Variants in GPM6B observed in about 807,000 individuals in gnomAD.
GPM6B encodes glycoprotein M6B.
In GPM6B, 4 loss-of-function variants were observed where a neutral mutation model predicts 27.2. The observed-to-expected ratio is 0.15, with a 90% CI of 0.07 to 0.34. The LOEUF is 0.34. Ranked by LOEUF, GPM6B falls within the 10% of genes least tolerant of loss-of-function variation. The pLI, the probability that GPM6B is intolerant of heterozygous loss-of-function variation, is 1.00. For missense variants in GPM6B, 183 were observed against 261.9 expected (o/e 0.70, Z 2.08); for synonymous variants, 124 against 103.1 (o/e 1.20, Z -1.23).
chrX:13,808,173 T>A (rs2049058939), intron 1 of GPM6B, among the ~76,000 whole-genome samples: 1 of 112,559 alleles, frequency 8.9e-6, no homozygotes, highest in Admixed American at 9.4e-5. Context: ...GCAGGCTCCC[T>A]CTCTGTAAGG....
intron 1 of GPM6B, among the ~76,000 whole-genome samples, chrX:13,868,842 TC>T (rs1390730068): frequency 2.5e-4 from 28 of 112,288 alleles, no homozygotes; most frequent in African/African-American, 8.7e-4. Flanking sequence ...CCACATTTTT[TC>T]CCTCTCTGGG....
chrX:13,786,574 C>T (rs185425160), intron 2 of GPM6B, among the ~76,000 whole-genome samples: 17 of 110,471 alleles, frequency 1.5e-4, no homozygotes, highest in African/African-American at 5.3e-4. Flanking sequence ...TCCTCCTCCC[C>T]GGCTTCCACC....
At chrX:13,786,607 G>A (rs1016963535) in intron 2 of GPM6B, among the ~76,000 whole-genome samples, 4 of 109,866 alleles carry the variant, frequency 3.6e-5, no homozygotes, top group African/African-American at 1.3e-4. Flanking sequence ...CGACACACAC[G>A]TTCAGAGTCA....
At chrX:13,855,843 G>A (rs1011041659) in intron 1 of GPM6B, among the ~76,000 whole-genome samples, 4 of 111,631 alleles carry the variant, frequency 3.6e-5, no homozygotes, top group South Asian at 3.8e-4. Flanking sequence ...CCTCCACTGC[G>A]GTGGTGCAGT....
chrX:13,796,012 A>T (rs1265686532), intron 2 of GPM6B, among the ~76,000 whole-genome samples: 1 of 109,997 alleles, frequency 9.1e-6, no homozygotes, highest in African/African-American at 3.3e-5. Flanking sequence ...CTGCAACCTC[A>T]GCCTCCCAGG....
At chrX:13,845,093 G>A (rs1352318470) in intron 1 of GPM6B, among the ~76,000 whole-genome samples, 3 of 108,239 alleles carry the variant, frequency 2.8e-5, no homozygotes, top group African/African-American at 3.4e-5. Context: ...GGGTTCAAGC[G>A]ATTCCCATGC....
At chrX:13,808,885 C>A (rs67349566) in intron 1 of GPM6B, among the ~76,000 whole-genome samples, 32,017 of 111,201 alleles carry the variant, frequency 0.29, 3,458 homozygotes, top group Middle Eastern at 0.35. Flanking sequence ...AAGCAGAAAC[C>A]TGCTTTTCTA....
chrX:13,915,408 TTCTC>T (rs1337921271), intron 1 of GPM6B, among the ~76,000 whole-genome samples: 2 of 110,879 alleles, frequency 1.8e-5, no homozygotes, highest in Non-Finnish European at 3.8e-5. Context: ...GCATTCTCCA[TTCTC>T]TCTCTCTCTC....
rs765931805 is a variant in GPM6B at position 13,772,857 on chromosome X, C to G, written c.*24G>C. ...TGATTTGTCAGAGCTGTAAATACGTCGGCCGAAACACTCTGGCAAACATTT... is the reference window on the plus strand; with the variant it reads ...TGATTTGTCAGAGCTGTAAATACGTGGGCCGAAACACTCTGGCAAACATTT... On this transcript the variant is annotated 3_prime_UTR_variant, in exon 8 of 8. Transcript: ENST00000316715. 2.5e-6 allele frequency: 3 copies of G among 1,201,481 alleles called. No individual in the cohort carries two copies. The highest frequency in any genetic ancestry group is 3.4e-6 in the Non-Finnish European group (3 of 888,477).
At chrX:13,867,843 C>T (rs1348540834) in intron 1 of GPM6B, among the ~76,000 whole-genome samples, 3 of 111,654 alleles carry the variant, frequency 2.7e-5, no homozygotes, top group Non-Finnish European at 3.8e-5. Flanking sequence ...AGTGGCAGCA[C>T]AGAAGAGACT....
intron 1 of GPM6B, among the ~76,000 whole-genome samples, chrX:13,901,551 C>T (rs1440061537): frequency 9.0e-6 from 1 of 111,403 alleles, no homozygotes; most frequent in Non-Finnish European, 1.9e-5. Context: ...TTCACTCTCC[C>T]CCTAAACCTG....
At chrX:13,922,964 T>G (rs1305524818) in intron 1 of GPM6B, among the ~76,000 whole-genome samples, 1 of 111,646 alleles carries the variant, frequency 9.0e-6, no homozygotes, top group Admixed American at 9.5e-5. Context: ...GCACCTGAGG[T>G]CAGGAGTTTG....
intron 1 of GPM6B, among the ~76,000 whole-genome samples, chrX:13,900,890 T>C (rs755159783): frequency 1.2e-4 from 13 of 111,681 alleles, no homozygotes; most frequent in Non-Finnish European, 2.4e-4. Flanking sequence ...TGAGTTTCCA[T>C]AGAGTTCAAG....
intron 1 of GPM6B, among the ~76,000 whole-genome samples, chrX:13,823,790 G>A (rs897713572): frequency 2.7e-5 from 3 of 112,079 alleles, no homozygotes; most frequent in South Asian, 3.7e-4. Context: ...AAAGTGCTGC[G>A]ATTAGGCATG....
At chrX:13,861,043 CAT>C (rs746863737) in intron 1 of GPM6B, among the ~76,000 whole-genome samples, 21 of 49,678 alleles carry the variant, frequency 4.2e-4, no homozygotes, top group South Asian at 4.0e-3. Context: ...CACACACACA[CAT>C]ATATACATAT....
intron 2 of GPM6B, among the ~76,000 whole-genome samples, chrX:13,805,799 T>C (rs2049010858): frequency 1.8e-5 from 2 of 111,796 alleles, no homozygotes; most frequent in South Asian, 7.5e-4. Flanking sequence ...TAAGTATTTT[T>C]CTGGGTTTCC....
At chrX:13,780,456 G>A (rs1183230354) in intron 4 of GPM6B, among the ~76,000 whole-genome samples, 2 of 111,510 alleles carry the variant, frequency 1.8e-5, no homozygotes, top group African/African-American at 6.5e-5. Context: ...TTTATTTTTC[G>A]TAACAGGTTG....
chrX:13,803,975 T>A (rs1013640458), intron 2 of GPM6B, among the ~76,000 whole-genome samples: 5 of 112,270 alleles, frequency 4.5e-5, no homozygotes, highest in Non-Finnish European at 9.4e-5. Context: ...TTTCCAAAGA[T>A]AAAGATTTCT....
At chrX:13,854,202 G>C (rs2049754070) in intron 1 of GPM6B, among the ~76,000 whole-genome samples, 1 of 111,663 alleles carries the variant, frequency 9.0e-6, no homozygotes, top group Non-Finnish European at 1.9e-5. Context: ...TGGCACTCCA[G>C]GCACTGCTGC....
Sources: allele counts gnomAD v4.1 joint callset (sites outside exome capture counted in the v4.1 genomes callset), GRCh38; gene constraint gnomAD v4.1.1; transcripts MANE v1.5; gene names NCBI Gene and HGNC (gene_info 2026-07-23, HGNC 2026-07-21).